DGKG: variants seen among roughly 807,000 people sequenced by gnomAD.
The protein encoded by DGKG is DAG kinase gamma.
Under a neutral mutation model 105.3 loss-of-function variants are expected in DGKG, and 78 were observed. That is an observed-to-expected ratio of 0.74 (90% CI 0.62 to 0.89). DGKG has a LOEUF of 0.89. DGKG is among the 40% of genes least tolerant of loss of function. The probability of loss-of-function intolerance (pLI) is 0.00; values close to 1 mark genes in which losing one functional copy is unlikely to be tolerated. For missense variants in DGKG, 958 were observed against 1,020.1 expected (o/e 0.94, Z 0.83); for synonymous variants, 346 against 367.1 (o/e 0.94, Z 0.66).
chr3:186,262,320 C>T (rs1721817001), intron 14 of DGKG, among the ~76,000 whole-genome samples: 1 of 152,128 alleles, frequency 6.6e-6, no homozygotes, highest in East Asian at 1.9e-4. Flanking sequence ...ATACATGACC[C>T]ATCTTCTCTC....
intron 3 of DGKG, among the ~76,000 whole-genome samples, chr3:186,301,007 C>G (rs770914814): frequency 5.3e-5 from 8 of 152,216 alleles, no homozygotes; most frequent in Non-Finnish European, 1.0e-4. Context: ...CTGTTAATGC[C>G]AATGACACCA....
In DGKG at chr3:186,148,934, GA is replaced by G; in HGVS notation, c.*1155del. The G allele has an allele frequency of 1.1e-6, 1 of 938,458 alleles. No homozygotes were observed. Among genetic ancestry groups the G allele is most frequent in the Non-Finnish European group, 1.3e-6 (1 of 791,946 alleles). 58.1% of individuals were successfully genotyped at this position (938,458 alleles called of 1,614,324 possible). ...ACCTATGTTTTTTTTTTCCAATGAG[GA>G]AAAGTCCATCAGTAAATAAATATTT... is the stretch of plus-strand genomic sequence containing the variant. On this transcript the variant is annotated 3_prime_UTR_variant, in exon 25 of 25. Coordinates refer to ENST00000265022, the MANE Select transcript of DGKG (RefSeq NM_001346.3).
chr3:186,260,454 C>A lies in DGKG; in HGVS notation c.1409G>T (p.Gly470Val), dbSNP rs201487065. 9.9e-6 allele frequency: 16 copies of A among 1,612,366 alleles called. No individual in the cohort carries two copies. Among genetic ancestry groups the A allele is most frequent in the Middle Eastern group, 3.3e-4 (2 of 6,080 alleles). ...ATCTCCATACCCTGGAGTAGGCCCC[C>A]CATTGTCCAGGTTGAAAACTTGTTT... ...NPKQVFNLDN[G>V]GPTPGLNFFR... Residue 470 changes from glycine to valine, a missense_variant, in exon 16 of 25, where the codon GGG (glycine) becomes GTG (valine). Gly to Val is a moderately radical substitution (Grantham distance 109, BLOSUM62 -3). This residue lies in a region of DGKG where 643 missense variants were observed against 619.5 expected (regional missense o/e 1.04). Transcript: ENST00000265022.
chr3:186,224,363 T>C (rs1361239052), intron 20 of DGKG, among the ~76,000 whole-genome samples: 4 of 152,190 alleles, frequency 2.6e-5, no homozygotes, highest in Non-Finnish European at 1.5e-5. Flanking sequence ...ACTAAAGCAT[T>C]GCCTTTGCCC....
chr3:186,251,926 A>T lies in DGKG; in HGVS notation c.1601-7T>A. 1 of 1,554,130 alleles carries T rather than the reference A, an allele frequency of 6.4e-7. No homozygotes were observed. The highest frequency in any genetic ancestry group is 8.7e-7 in the Non-Finnish European group (1 of 1,148,666). ...AAGCTGCCCCCTTCATAACCTGTGG[A>T]GGACAGCACTGCATTTGCCACCACA... On this transcript the variant is annotated splice_region_variant and splice_polypyrimidine_tract_variant and intron_variant, in intron 18 of 24. Coordinates refer to ENST00000265022, the MANE Select transcript of DGKG (RefSeq NM_001346.3).
chr3:186,288,483 G>C (rs1723169792), intron 6 of DGKG, among the ~76,000 whole-genome samples: 1 of 152,162 alleles, frequency 6.6e-6, no homozygotes, highest in South Asian at 2.1e-4. Flanking sequence ...CAATACCTGG[G>C]TTTCAGATGC....
intron 20 of DGKG, among the ~76,000 whole-genome samples, chr3:186,217,109 A>G (rs1560100033): frequency 6.6e-6 from 1 of 152,216 alleles, no homozygotes; most frequent in African/African-American, 2.4e-5. Context: ...CACTGGAAGA[A>G]GACGCATTCC....
At chr3:186,160,273 A>C (rs1716231466) in intron 24 of DGKG, 1 of 985,368 alleles carries the variant, frequency 1.0e-6, no homozygotes. Flanking sequence ...ATTTATAGGA[A>C]TAGCAATCCA....
At chr3:186,184,899 G>T (rs991023529) in intron 22 of DGKG, among the ~76,000 whole-genome samples, 2 of 152,028 alleles carry the variant, frequency 1.3e-5, no homozygotes, top group South Asian at 2.1e-4. Context: ...TATAAATCCC[G>T]GGACAAAATA....
At chr3:186,245,144 C>T (rs1223452276) in intron 19 of DGKG, among the ~76,000 whole-genome samples, 4 of 152,160 alleles carry the variant, frequency 2.6e-5, no homozygotes, top group African/African-American at 9.7e-5. Context: ...GATATGTGTA[C>T]AGGCCCCCTC....
chr3:186,183,229 T>C (rs1424336274), intron 22 of DGKG, among the ~76,000 whole-genome samples: 1 of 152,196 alleles, frequency 6.6e-6, no homozygotes, highest in Non-Finnish European at 1.5e-5. Flanking sequence ...TGAATCTTGG[T>C]TCTGATGCCA....
chr3:186,279,703 A>G (rs1202425688), intron 9 of DGKG, 148 bp downstream of exon 9: 5 of 767,836 alleles, frequency 6.5e-6, no homozygotes, highest in Non-Finnish European at 1.0e-5. Flanking sequence ...TGGATACAAA[A>G]TAATGTAAAT....
chr3:186,148,915 G>GT lies in DGKG; in HGVS notation c.*1174dup, dbSNP rs144156108. The stretch of plus-strand genomic sequence containing the variant: ...CCACTTTCTGTCTCATACTACCTAT[G>GT]TTTTTTTTTTCCAATGAGGAAAAGT... On this transcript the variant is annotated 3_prime_UTR_variant, in exon 25 of 25. Transcript: ENST00000265022. 8,987 of 836,116 alleles carry GT rather than the reference G, an allele frequency of 0.011. No individual in the cohort carries two copies. The highest frequency in any genetic ancestry group is 0.012 in the Non-Finnish European group (8,278 of 698,956). The allele number at this position is 836,116 out of a possible 1,614,324, so 51.8% of individuals were successfully genotyped here. A position where few individuals can be genotyped will look rare whatever the true frequency, so the allele number is the denominator to read the frequency against.
At chr3:186,348,312 A>G (rs1726442055) in intron 1 of DGKG, among the ~76,000 whole-genome samples, 1 of 146,566 alleles carries the variant, frequency 6.8e-6, no homozygotes, top group African/African-American at 2.5e-5. Context: ...TGACCAGAAT[A>G]GTTTGAGTAA....
In DGKG at chr3:186,149,312, C is replaced by T. The variant is rs866578059; in HGVS notation, c.*778G>A. On this transcript the variant is annotated 3_prime_UTR_variant, in exon 25 of 25. Transcript: ENST00000265022. ...ATAAATCCCAGTTTCTCCGCTCTCC[C>T]TCCCAGGTGTTCACAGAACTAAGAA... 9 of 985,238 alleles carry T rather than the reference C, an allele frequency of 9.1e-6. No homozygotes were observed. The Middle Eastern group carries it at 1.5e-3, about 170-fold the overall frequency. 61.0% of individuals were successfully genotyped at this position (985,238 alleles called of 1,614,324 possible). A position where few individuals can be genotyped will look rare whatever the true frequency, so the allele number is the denominator to read the frequency against.
chr3:186,198,527 A>C (rs1338796859), intron 21 of DGKG, among the ~76,000 whole-genome samples: 1 of 152,240 alleles, frequency 6.6e-6, no homozygotes, highest in African/African-American at 2.4e-5. Flanking sequence ...CCAGTGGGTC[A>C]ATACTAGAGG....
chr3:186,296,907 T>C (rs1478262466), intron 5 of DGKG, among the ~76,000 whole-genome samples: 1 of 152,188 alleles, frequency 6.6e-6, no homozygotes, highest in Non-Finnish European at 1.5e-5. Context: ...TATTAGCAAC[T>C]CCTCAACTTA....
Position 186,225,116 on chromosome 3 carries a change from A to G in DGKG, c.1827-13231T>C, listed in dbSNP as rs1354808941. Among the ~76,000 whole-genome samples, 4 of 148,586 alleles carry G rather than the reference A, an allele frequency of 2.7e-5. No individual in the cohort carries two copies. In the Admixed American group the frequency reaches 2.7e-4, roughly 10 times the overall value. On this transcript the variant is annotated intron_variant, in intron 20 of 24. Transcript: ENST00000265022. The stretch of plus-strand genomic sequence containing the variant: ...ATTTTATTTACTTATTTTTTTTGAG[A>G]CAGGGTCTCACTCCATTGCCCAGGC...
At chr3:186,280,021 T>G (rs369149656) in intron 8 of DGKG, 48 bp from the exon 9 acceptor site, 1 of 1,609,172 alleles carries the variant, frequency 6.2e-7, no homozygotes. Context: ...CATCGACATG[T>G]CTACCTGCCT....
Sources: gnomAD v4.1 joint callset for allele counts (sites outside exome capture counted in the v4.1 genomes callset) on GRCh38, gnomAD v4.1.1 for gene constraint, gnomAD v4.1.1 regional missense constraint, MANE v1.5 for transcripts, NCBI Gene and HGNC (gene_info 2026-07-23, HGNC 2026-07-21) for gene names.